SLC25A24: variants seen among roughly 807,000 people sequenced by gnomAD.
The protein encoded by SLC25A24 is mitochondrial adenyl nucleotide antiporter SLC25A24.
SLC25A24 carries 49 observed loss-of-function variants against 60.7 expected under a neutral mutation model. The ratio of observed to expected loss-of-function variants is 0.81; its 90% CI spans 0.64 to 1.02. SLC25A24 has a LOEUF of 1.02. Ranked by LOEUF, SLC25A24 falls within the 50% of genes least tolerant of loss-of-function variation. The probability of loss-of-function intolerance (pLI) is 0.00; values close to 1 mark genes in which losing one functional copy is unlikely to be tolerated. For missense variants in SLC25A24, 564 were observed against 586.3 expected, an observed-to-expected ratio of 0.96 and a Z score of 0.39; for synonymous variants, 202 against 200.6, an observed-to-expected ratio of 1.01 and a Z score of -0.06.
Position 108,157,443 on chromosome 1 carries a change from A to G in SLC25A24, c.669+19T>C. ...TAGAATATTTAGGGCAAACCTGGAC[A>G]CACGATAATAAAGCTCACCTGCATC... On this transcript the variant is annotated intron_variant, in intron 5 of 9. Transcript: ENST00000565488. 1 of 1,605,814 alleles carries G rather than the reference A, an allele frequency of 6.2e-7. No individual in the cohort carries two copies. The highest frequency in any genetic ancestry group is 1.1e-5 in the South Asian group (1 of 89,976).
chr1:108,164,232 A>T (rs1051903236), intron 3 of SLC25A24, among the ~76,000 whole-genome samples: 1 of 152,038 alleles, frequency 6.6e-6, no homozygotes, highest in African/African-American at 2.4e-5. Flanking sequence ...ATGTTCATCA[A>T]GGATATTGGT....
intron 3 of SLC25A24, among the ~76,000 whole-genome samples, chr1:108,181,001 C>G (rs1053374842): frequency 1.3e-5 from 2 of 152,224 alleles, no homozygotes; most frequent in Non-Finnish European, 2.9e-5. Flanking sequence ...ATTATATGCT[C>G]TATATCTCAC....
At chr1:108,178,678 G>C (rs536525153) in intron 3 of SLC25A24, among the ~76,000 whole-genome samples, 1 of 152,150 alleles carries the variant, frequency 6.6e-6, no homozygotes, top group South Asian at 2.1e-4. Context: ...GCCGGGCGTG[G>C]TGGCGGGTGC....
In SLC25A24 at chr1:108,192,691, G is replaced by A. The variant is rs919547175; in HGVS notation, c.184-6737C>T. The A allele has an allele frequency of 6.2e-6, 9 of 1,453,792 alleles. 1 individual carries two copies. The highest frequency in any genetic ancestry group is 3.0e-5 in the East Asian group (1 of 33,348). 90.1% of individuals were successfully genotyped at this position (1,453,792 alleles called of 1,614,324 possible). On this transcript the variant is annotated intron_variant, in intron 1 of 9. Coordinates refer to ENST00000565488, the MANE Select transcript of SLC25A24 (RefSeq NM_013386.5). ...CGGGGTGGAAGTGCGACCGACGAAC[G>A]GGATCTCTGCCCACCACACACGTCC...
rs372120601 is a variant in SLC25A24, at chr1:108,192,563, A to G, written c.184-6609T>C. 43 of 1,499,402 alleles carry G rather than the reference A, an allele frequency of 2.9e-5. 7 individuals carry two copies. Among genetic ancestry groups the G allele is most frequent in the Non-Finnish European group, 3.6e-5 (40 of 1,114,276 alleles). The allele number at this position is 1,499,402 out of a possible 1,614,324, so 92.9% of individuals were successfully genotyped here. On this transcript the variant is annotated intron_variant, in intron 1 of 9. Transcript: ENST00000565488. ...GCCTTCCTGAAGCTCAAAAATGTCC[A>G]AGGTCCCATCCTTGTTATAGTCCAG...
chr1:108,192,136 T>C lies in SLC25A24; in HGVS notation c.184-6182A>G, dbSNP rs867760049. 3.5e-4 allele frequency among the ~76,000 whole-genome samples: 48 copies of C among 138,354 alleles called. 4 individuals carry two copies. Among genetic ancestry groups the C allele is most frequent in the African/African-American group, 1.1e-3 (43 of 39,962 alleles). 90.8% of individuals were successfully genotyped at this position (138,354 alleles called of 152,430 possible). A position where few individuals can be genotyped will look rare whatever the true frequency, so the allele number is the denominator to read the frequency against. ...TCCCAAATACACGTAGAGTGATTAT[T>C]CCAGTTCTCTGAACTGGGGAGGGCG... On this transcript the variant is annotated intron_variant, in intron 1 of 9. Transcript: ENST00000565488.
At chr1:108,147,273 T>C in intron 7 of SLC25A24, among the ~76,000 whole-genome samples, 1 of 152,210 alleles carries the variant, frequency 6.6e-6, no homozygotes. Flanking sequence ...CCCTTTATCA[T>C]TTTTTATTGT....
intron 5 of SLC25A24, 32 bp from the exon 6 acceptor site, chr1:108,155,167 T>C: frequency 1.3e-6 from 2 of 1,591,338 alleles, no homozygotes; most frequent in South Asian, 1.1e-5. Flanking sequence ...TATAAAATGC[T>C]GGTGGCATAT....
At chr1:108,140,612 A>T (rs1208854410) in intron 8 of SLC25A24, among the ~76,000 whole-genome samples, 1 of 152,170 alleles carries the variant, frequency 6.6e-6, no homozygotes, top group Non-Finnish European at 1.5e-5. Flanking sequence ...AAGGATATAC[A>T]ATATCAAAAG....
At chr1:108,195,537 T>C (rs1038837085) in intron 1 of SLC25A24, among the ~76,000 whole-genome samples, 5 of 152,204 alleles carry the variant, frequency 3.3e-5, no homozygotes, top group African/African-American at 1.2e-4. Context: ...ACACAAAAGA[T>C]ACAGATTTTA....
chr1:108,138,463 A>C (rs951546440), intron 9 of SLC25A24, among the ~76,000 whole-genome samples: 2 of 152,236 alleles, frequency 1.3e-5, no homozygotes, highest in Non-Finnish European at 2.9e-5. Context: ...GGATAGCAAT[A>C]AAAGCCAGCA....
rs915695556 is a variant in SLC25A24 at position 108,138,968 on chromosome 1, A to G, written c.1249+90T>C. The G allele has an allele frequency of 8.6e-6, 11 of 1,281,300 alleles. No individual in the cohort carries two copies. The East Asian group carries it at 1.5e-4, about 18-fold the overall frequency. The allele number at this position is 1,281,300 out of a possible 1,614,324, so 79.4% of individuals were successfully genotyped here. A position where few individuals can be genotyped will look rare whatever the true frequency, so the allele number is the denominator to read the frequency against. On this transcript the variant is annotated intron_variant, in intron 9 of 9. Transcript: ENST00000565488. ...GGTTGAGAAATACTGTCTTAAAACT[A>G]CAGTCTGCATCTTAGTAGAACTTGG...
intron 6 of SLC25A24, among the ~76,000 whole-genome samples, chr1:108,149,023 G>A (rs559236875): frequency 9.9e-5 from 15 of 152,272 alleles, no homozygotes; most frequent in African/African-American, 3.4e-4. Context: ...CAGCATAACA[G>A]CATCCCTCCC....
At chr1:108,192,405 G>T in intron 1 of SLC25A24, 1 of 932,492 alleles carries the variant, frequency 1.1e-6, no homozygotes, top group Non-Finnish European at 1.6e-6. Context: ...GGTCAAGCTT[G>T]ACAACATGTA....
At chr1:108,184,610 A>G (rs1397783938) in intron 2 of SLC25A24, among the ~76,000 whole-genome samples, 3 of 152,238 alleles carry the variant, frequency 2.0e-5, no homozygotes, top group Non-Finnish European at 4.4e-5. Context: ...ATGGCAAACT[A>G]TAACCCTCAA....
chr1:108,169,403 T>C (rs997512480), intron 3 of SLC25A24, among the ~76,000 whole-genome samples: 1 of 152,192 alleles, frequency 6.6e-6, no homozygotes, highest in Non-Finnish European at 1.5e-5. Context: ...AGAAGGTACA[T>C]CTTTTCTATA....
intron 1 of SLC25A24, among the ~76,000 whole-genome samples, chr1:108,186,211 G>C (rs1382587357): frequency 6.6e-6 from 1 of 152,100 alleles, no homozygotes; most frequent in East Asian, 1.9e-4. Flanking sequence ...CATTTTTAAA[G>C]CTAATCTAAC....
In SLC25A24 at chr1:108,185,814, A is replaced by G; in HGVS notation, c.310+14T>C. Reference sequence around the variant, plus strand: ...TTCTTCATAGCTGGTGATAAATACAAAAGAAAGACACACCATCATTATTTT... The same window carrying G: ...TTCTTCATAGCTGGTGATAAATACAGAAGAAAGACACACCATCATTATTTT... On this transcript the variant is annotated intron_variant, in intron 2 of 9. Transcript: ENST00000565488. The G allele has an allele frequency of 6.3e-7, 1 of 1,577,854 alleles. No individual in the cohort carries two copies. The highest frequency in any genetic ancestry group is 8.7e-7 in the Non-Finnish European group (1 of 1,154,738).
chr1:108,169,883 T>A (rs980523032), intron 3 of SLC25A24, among the ~76,000 whole-genome samples: 2 of 152,176 alleles, frequency 1.3e-5, no homozygotes, highest in African/African-American at 4.8e-5. Context: ...TAAAAGTCCT[T>A]ATGTGCCTAT....
Sources: gnomAD v4.1 joint callset for allele counts (sites outside exome capture counted in the v4.1 genomes callset) on GRCh38, gnomAD v4.1.1 for gene constraint, MANE v1.5 for transcripts, NCBI Gene and HGNC (gene_info 2026-07-23, HGNC 2026-07-21) for gene names.